Variants in PAK1 observed in about 807,000 individuals in gnomAD.
The protein encoded by PAK1 is p21 (RAC1) activated kinase 1.
A neutral mutation model predicts 67.4 loss-of-function variants in PAK1; 29 were observed. That is an observed-to-expected ratio of 0.43 (90% CI 0.32 to 0.59). The LOEUF (loss-of-function observed/expected upper bound fraction) is 0.59, where lower values mean the gene tolerates loss of function less well. Ranked by LOEUF, PAK1 falls within the 20% of genes least tolerant of loss-of-function variation. The pLI is 0.07. For synonymous variants in PAK1, 223 were observed against 237.4 expected, an observed-to-expected ratio of 0.94 and a Z score of 0.56; for missense variants, 337 against 670.7, an observed-to-expected ratio of 0.50 and a Z score of 5.50.
rs765695347 is a variant in PAK1, at chr11:77,336,161, G to A, written c.1338C>T (p.Asp446=). ...TGGCCATGATGCCCAGGGACCAGATGTCAACCTTGGGCCCATAGGCCTTTC... is the reference window on the plus strand; with the variant it reads ...TGGCCATGATGCCCAGGGACCAGATATCAACCTTGGGCCCATAGGCCTTTC... The part of the protein sequence containing the change: ...VTRKAYGPKV[D]IWSLGIMAIE... The change falls in exon 13 of 15, where the codon GAC becomes GAT. Residue 446 remains aspartate, a synonymous_variant. Transcript: ENST00000356341. The A allele has an allele frequency of 6.2e-7, 1 of 1,613,620 alleles. No individual in the cohort carries two copies. The highest frequency in any genetic ancestry group is 8.5e-7 in the Non-Finnish European group (1 of 1,179,500).
chr11:77,469,991 C>T (rs1297722960), intron 1 of PAK1, among the ~76,000 whole-genome samples: 2 of 152,040 alleles, frequency 1.3e-5, no homozygotes, highest in African/African-American at 4.8e-5. Flanking sequence ...TATTGTTTAT[C>T]GCTTTTCAAA....
At chr11:77,457,071 C>T (rs753014290) in intron 1 of PAK1, among the ~76,000 whole-genome samples, 1 of 152,142 alleles carries the variant, frequency 6.6e-6, no homozygotes, top group Non-Finnish European at 1.5e-5. Flanking sequence ...TACCATTTCA[C>T]GTATAAGGAA....
intron 11 of PAK1, among the ~76,000 whole-genome samples, chr11:77,339,335 A>G (rs930051684): frequency 1.3e-5 from 2 of 152,098 alleles, no homozygotes; most frequent in African/African-American, 4.8e-5. Flanking sequence ...GTGGGGTGAA[A>G]AAAATCTTAG....
At chr11:77,394,908 T>C (rs1261925238) in intron 1 of PAK1, among the ~76,000 whole-genome samples, 1 of 152,166 alleles carries the variant, frequency 6.6e-6, no homozygotes, top group Admixed American at 6.5e-5. Flanking sequence ...CTGATGTTTT[T>C]AGCTTGCTTT....
At chr11:77,348,811 G>GTTATCCTGCTAT (rs1944809029) in intron 9 of PAK1, among the ~76,000 whole-genome samples, 1 of 152,000 alleles carries the variant, frequency 6.6e-6, no homozygotes, top group Non-Finnish European at 1.5e-5. Context: ...TTTGGCTTTT[G>GTTATCCTGCTAT]TATGCTACAG....
chr11:77,428,448 T>C (rs1233077373), intron 1 of PAK1, among the ~76,000 whole-genome samples: 1 of 151,898 alleles, frequency 6.6e-6, no homozygotes, highest in Non-Finnish European at 1.5e-5. Flanking sequence ...GGCAGACGCC[T>C]GTAGCCCCAG....
intron 8 of PAK1, 109 bp downstream of exon 8, chr11:77,353,427 G>T: frequency 2.7e-6 from 2 of 749,814 alleles, no homozygotes; most frequent in Non-Finnish European, 4.7e-6. Flanking sequence ...GGGGTAAAGT[G>T]GAGAAAGAAG....
At chr11:77,329,506 G>A (rs1940919553) in intron 14 of PAK1, among the ~76,000 whole-genome samples, 1 of 151,956 alleles carries the variant, frequency 6.6e-6, no homozygotes, top group Admixed American at 6.6e-5. Context: ...TGTAATCCAA[G>A]GTATAAACAG....
At chr11:77,453,082 C>T (rs893382881) in intron 1 of PAK1, among the ~76,000 whole-genome samples, 2 of 152,142 alleles carry the variant, frequency 1.3e-5, no homozygotes, top group Admixed American at 6.5e-5. Flanking sequence ...AGGCCAGGTG[C>T]GGTGGCTCAC....
At chr11:77,326,790 T>C (rs951151935) in intron 14 of PAK1, among the ~76,000 whole-genome samples, 2 of 152,150 alleles carry the variant, frequency 1.3e-5, no homozygotes, top group Admixed American at 6.5e-5. Flanking sequence ...GGATGGAGAA[T>C]GACTCTGACG....
intron 1 of PAK1, among the ~76,000 whole-genome samples, chr11:77,413,948 C>T (rs558948083): frequency 6.6e-6 from 1 of 152,260 alleles, no homozygotes; most frequent in South Asian, 2.1e-4. Context: ...TTATCTTACT[C>T]GACTTCCCAC....
the PAK1 span, among the ~76,000 whole-genome samples, chr11:77,501,966 C>T: frequency 9.0e-6 from 1 of 111,610 alleles, no homozygotes; most frequent in Non-Finnish European, 2.3e-5. Flanking sequence ...TCATGCAAAG[C>T]AGCTTCCCCT....
chr11:77,412,826 C>T (rs1391386834), intron 1 of PAK1, among the ~76,000 whole-genome samples: 2 of 152,188 alleles, frequency 1.3e-5, no homozygotes, highest in Admixed American at 6.5e-5. Flanking sequence ...AATTCACATA[C>T]GTCAAAACGG....
intron 5 of PAK1, among the ~76,000 whole-genome samples, chr11:77,365,277 A>T (rs1431670124): frequency 1.4e-5 from 2 of 144,410 alleles, no homozygotes; most frequent in Non-Finnish European, 3.0e-5. Context: ...AAGAAAAAAG[A>T]AAAAAGAAAA....
At chr11:77,424,905 G>A (rs1955469192) in intron 1 of PAK1, among the ~76,000 whole-genome samples, 1 of 152,150 alleles carries the variant, frequency 6.6e-6, no homozygotes, top group South Asian at 2.1e-4. Context: ...ATTCATCTCT[G>A]TTCCCTCAGT....
At chr11:77,521,284 C>T in the PAK1 span, among the ~76,000 whole-genome samples, 4 of 152,064 alleles carry the variant, frequency 2.6e-5, no homozygotes, top group Admixed American at 1.3e-4. Flanking sequence ...AATCCCAGCA[C>T]TTTGGGAAGC....
chr11:77,355,727 T>G lies in PAK1; in HGVS notation c.713A>C (p.Asn238Thr). 1 of 1,613,610 alleles carries G rather than the reference T, an allele frequency of 6.2e-7. No individual in the cohort carries two copies. The highest frequency in any genetic ancestry group is 1.3e-5 in the African/African-American group (1 of 75,038). Residue 238 changes from asparagine (N) to threonine (T), a missense_variant, in exon 7 of 15, where the codon AAT (asparagine) becomes ACT (threonine). This residue lies in a region of PAK1 where 150 missense variants were observed against 179.0 expected (regional missense o/e 0.84). Transcript: ENST00000356341. ...NTTPPDALTR[N>T]TEKQKKKPKM... ...AGGCTTCTTCTTCTGCTTCTCAGTA[T>G]TCCGGGTCAAAGCATCTGGTGGAGT...
intron 1 of PAK1, among the ~76,000 whole-genome samples, chr11:77,464,920 C>T (rs538965156): frequency 1.4e-4 from 22 of 151,994 alleles, no homozygotes; most frequent in South Asian, 1.0e-3. Context: ...ATCATAAAGT[C>T]GAAAAATCAT....
chr11:77,489,442 C>T, the PAK1 span, among the ~76,000 whole-genome samples: 2 of 151,806 alleles, frequency 1.3e-5, no homozygotes, highest in African/African-American at 4.8e-5. Flanking sequence ...TCTCCCCTCT[C>T]CCCTCTCCCC....
Sources: gnomAD v4.1 joint callset for allele counts (sites outside exome capture counted in the v4.1 genomes callset) on GRCh38, gnomAD v4.1.1 for gene constraint, gnomAD v4.1.1 regional missense constraint, MANE v1.5 for transcripts, NCBI Gene and HGNC (gene_info 2026-07-23, HGNC 2026-07-21) for gene names.